SORCS1: variants seen among roughly 807,000 people sequenced by gnomAD.
SORCS1 encodes sortilin related VPS10 domain containing receptor 1, also known as VPS10 domain-containing receptor SorCS1.
In SORCS1, 60 loss-of-function variants were observed where a neutral mutation model predicts 146.1. The ratio of observed to expected loss-of-function variants is 0.41; its 90% CI spans 0.33 to 0.51. The LOEUF (loss-of-function observed/expected upper bound fraction) is 0.51, where lower values mean the gene tolerates loss of function less well. SORCS1 is among the 20% of genes least tolerant of loss of function. The pLI is 0.21. For synonymous variants in SORCS1, 637 were observed against 584.0 expected (o/e 1.09, Z -1.31); for missense variants, 1,352 against 1,487.6 (o/e 0.91, Z 1.50).
At chr10:106,769,678 C>T (rs1429456210) in intron 4 of SORCS1, among the ~76,000 whole-genome samples, 2 of 152,076 alleles carry the variant, frequency 1.3e-5, no homozygotes, top group Non-Finnish European at 2.9e-5. Context: ...CACTTTTATG[C>T]ATGTTACTAA....
At chr10:107,161,294 T>C (rs1969684299) in intron 1 of SORCS1, among the ~76,000 whole-genome samples, 1 of 152,054 alleles carries the variant, frequency 6.6e-6, no homozygotes, top group Admixed American at 6.5e-5. Context: ...TTGCTAAAGG[T>C]GAGAAGGGTT....
At chr10:106,721,770 G>A (rs1005968868) in intron 6 of SORCS1, among the ~76,000 whole-genome samples, 6 of 152,120 alleles carry the variant, frequency 3.9e-5, no homozygotes, top group Admixed American at 1.3e-4. Context: ...TGCTGCTTAC[G>A]CGAGCTTGAA....
At position 106,761,658 on chromosome 10, in the gene SORCS1, A is replaced by G. The variant is rs1185927673; in HGVS notation, c.889T>C (p.Tyr297His). 11 of 1,613,996 alleles carry G rather than the reference A, an allele frequency of 6.8e-6. No homozygotes were observed. The highest frequency in any genetic ancestry group is 1.7e-5 in the Admixed American group (1 of 60,010). ...ILAYSQDQKL[Y>H]SSAEFGRRWQ... The stretch of plus-strand genomic sequence containing the variant: ...CTTCTCCCAAATTCAGCAGAGCTGT[A>G]TAACTGTAAAGAACAGAAATTACTC... The change falls in exon 5 of 26, where the codon TAC becomes CAC. Residue 297 changes from tyrosine (Y) to histidine (H), a missense_variant. Tyr to His is a moderately conservative substitution (Grantham distance 83). This residue lies in a region of SORCS1 where 490 missense variants were observed against 489.1 expected (regional missense o/e 1.00). Coordinates refer to ENST00000263054, the MANE Select transcript of SORCS1 (RefSeq NM_052918.5).
At chr10:107,082,625 G>A (rs1354713110) in intron 1 of SORCS1, among the ~76,000 whole-genome samples, 1 of 151,976 alleles carries the variant, frequency 6.6e-6, no homozygotes, top group Non-Finnish European at 1.5e-5. Context: ...GGGATTACAG[G>A]TTTGTGCCAC....
chr10:107,131,711 T>C (rs543339208), intron 1 of SORCS1, among the ~76,000 whole-genome samples: 3 of 152,298 alleles, frequency 2.0e-5, no homozygotes, highest in African/African-American at 7.2e-5. Flanking sequence ...AAAGCAAGAC[T>C]GTCTCAAAAA....
At chr10:106,620,288 A>G (rs992389294) in intron 20 of SORCS1, 140 bp downstream of exon 20, 78 of 1,033,140 alleles carry the variant, frequency 7.5e-5, no homozygotes, top group Non-Finnish European at 1.0e-4. Context: ...GAGATACTTG[A>G]GCACCAAGGG....
At chr10:106,699,991 C>T (rs1854014497) in intron 8 of SORCS1, among the ~76,000 whole-genome samples, 1 of 152,196 alleles carries the variant, frequency 6.6e-6, no homozygotes, top group African/African-American at 2.4e-5. Context: ...AGCCAGTCTC[C>T]TCTACCCTCA....
chr10:106,631,983 G>T (rs1848468996), intron 18 of SORCS1, among the ~76,000 whole-genome samples: 1 of 152,180 alleles, frequency 6.6e-6, no homozygotes, highest in Admixed American at 6.5e-5. Context: ...TGGGTGAAAG[G>T]ATGGAGCTAC....
At chr10:106,669,699 G>T (rs757371254) in intron 16 of SORCS1, among the ~76,000 whole-genome samples, 5 of 152,178 alleles carry the variant, frequency 3.3e-5, no homozygotes, top group Non-Finnish European at 7.4e-5. Flanking sequence ...TCGATGATTT[G>T]AGCTCCCTGA....
chr10:106,722,998 C>A (rs1003323351), intron 6 of SORCS1, among the ~76,000 whole-genome samples: 2 of 152,038 alleles, frequency 1.3e-5, no homozygotes, highest in East Asian at 1.9e-4. Flanking sequence ...GTAGATATAC[C>A]TAAACAGTGA....
chr10:106,993,891 G>T (rs527821833), intron 1 of SORCS1, among the ~76,000 whole-genome samples: 1 of 151,950 alleles, frequency 6.6e-6, no homozygotes, highest in Non-Finnish European at 1.5e-5. Flanking sequence ...TGGGCAACAT[G>T]GTGAAACCCC....
intron 1 of SORCS1, among the ~76,000 whole-genome samples, chr10:107,109,523 A>G (rs573603580): frequency 4.6e-4 from 70 of 152,326 alleles, no homozygotes; most frequent in South Asian, 8.3e-4. Flanking sequence ...CAGCATCCCA[A>G]TGGTGTGGAG....
At chr10:106,799,938 C>T (rs140692177) in intron 3 of SORCS1, among the ~76,000 whole-genome samples, 4 of 152,294 alleles carry the variant, frequency 2.6e-5, no homozygotes, top group African/African-American at 9.6e-5. Context: ...CTTTATTCTT[C>T]AAGTTCCTGC....
chr10:106,705,322 C>T (rs1322012), intron 8 of SORCS1, among the ~76,000 whole-genome samples: 121,661 of 152,028 alleles, frequency 0.8, 51,229 homozygotes, highest in Non-Finnish European at 0.94. Flanking sequence ...CCTTTCACTA[C>T]GTTAGGGTGA....
Position 106,706,648 on chromosome 10 carries a change from A to T in SORCS1, c.1144-14T>A. On this transcript the variant is annotated splice_polypyrimidine_tract_variant and intron_variant, in intron 7 of 25. Transcript: ENST00000263054. ...TCCTGATGTCAGCTGGATCATAAAA[A>T]CAAGACTGTAAGAAGCTCGAGCTAC... 6.2e-7 allele frequency: 1 copy of T among 1,613,750 alleles called. No homozygotes were observed. The highest frequency in any genetic ancestry group is 8.5e-7 in the Non-Finnish European group (1 of 1,179,654).
intron 3 of SORCS1, among the ~76,000 whole-genome samples, chr10:106,807,706 C>T (rs906057515): frequency 6.6e-6 from 1 of 152,232 alleles, no homozygotes; most frequent in East Asian, 1.9e-4. Context: ...AGCCTCTTCC[C>T]ATGCAGTCTT....
chr10:107,107,176 C>A (rs1453875682), intron 1 of SORCS1, among the ~76,000 whole-genome samples: 1 of 152,060 alleles, frequency 6.6e-6, no homozygotes, highest in African/African-American at 2.4e-5. Flanking sequence ...GAAGTGCCTG[C>A]TAGAAAAAGC....
At chr10:107,179,220 T>A in the SORCS1 span, among the ~76,000 whole-genome samples, 1 of 152,226 alleles carries the variant, frequency 6.6e-6, no homozygotes, top group Non-Finnish European at 1.5e-5. Context: ...ATTAGTGATG[T>A]TGAGCATTTT....
At chr10:106,744,190 C>T (rs1047861989) in intron 5 of SORCS1, among the ~76,000 whole-genome samples, 2 of 152,138 alleles carry the variant, frequency 1.3e-5, no homozygotes, top group African/African-American at 4.8e-5. Flanking sequence ...CTGCAAGCTC[C>T]ACCTCCTGGG....
Sources: gnomAD v4.1 joint callset for allele counts (sites outside exome capture counted in the v4.1 genomes callset) on GRCh38, gnomAD v4.1.1 for gene constraint, gnomAD v4.1.1 regional missense constraint, MANE v1.5 for transcripts, NCBI Gene and HGNC (gene_info 2026-07-23, HGNC 2026-07-21) for gene names.